Variants in SH3PXD2B observed in about 807,000 individuals in gnomAD.
SH3PXD2B encodes SH3 and PX domains 2B, also known as SH3 and PX domain-containing protein 2B.
In SH3PXD2B, 37 loss-of-function variants were observed where a neutral mutation model predicts 73.1. That is an observed-to-expected ratio of 0.51 (90% CI 0.39 to 0.67). The LOEUF (loss-of-function observed/expected upper bound fraction) is 0.67. SH3PXD2B is among the 30% of genes least tolerant of loss of function. The probability of loss-of-function intolerance (pLI) is 0.00; values close to 1 mark genes in which losing one functional copy is unlikely to be tolerated. For synonymous variants in SH3PXD2B, 457 were observed against 480.5 expected (o/e 0.95, Z 0.64); for missense variants, 1,053 against 1,197.8 (o/e 0.88, Z 1.78).
At chr5:172,434,772 A>G (rs1302957760) in intron 1 of SH3PXD2B, among the ~76,000 whole-genome samples, 1 of 91,932 alleles carries the variant, frequency 1.1e-5, no homozygotes, top group East Asian at 2.5e-4. Context: ...CTGGGATGCA[A>G]TGGCCAATGG....
intron 1 of SH3PXD2B, among the ~76,000 whole-genome samples, chr5:172,433,637 G>A (rs993931787): frequency 2.0e-5 from 3 of 152,170 alleles, no homozygotes; most frequent in African/African-American, 7.2e-5. Flanking sequence ...GATGCCCAGA[G>A]TGGGGGTGGG....
chr5:172,369,977 A>C (rs1447868058), intron 6 of SH3PXD2B, among the ~76,000 whole-genome samples: 3 of 152,184 alleles, frequency 2.0e-5, no homozygotes, highest in Non-Finnish European at 4.4e-5. Context: ...AGTATTTATT[A>C]AGCACCTAGT....
At chr5:172,388,472 T>C (rs1403110983) in intron 4 of SH3PXD2B, among the ~76,000 whole-genome samples, 1 of 152,250 alleles carries the variant, frequency 6.6e-6, no homozygotes, top group Non-Finnish European at 1.5e-5. Context: ...CTATTTATTA[T>C]GTTTCATTAA....
rs768914165 is a variant in SH3PXD2B at position 172,353,207 on chromosome 5, G to A, written c.785+681C>T. 6.6e-6 allele frequency among the ~76,000 whole-genome samples: 1 copy of A among 152,190 alleles called. No homozygotes were observed. Among genetic ancestry groups the A allele is most frequent in the Non-Finnish European group, 1.5e-5 (1 of 68,026 alleles). ...ATGCTCAGCCTCCTGGAAATGGCCC[G>A]AATGTCCCGCCACACATCACAGCGC... On this transcript the variant is annotated intron_variant, in intron 9 of 12. Coordinates refer to ENST00000311601, the MANE Select transcript of SH3PXD2B (RefSeq NM_001017995.3). This position sits in a 1 kb window ranked among gnomAD's most constrained non-coding sequence, Gnocchi z 4.3.
At chr5:172,329,083 A>ATATATATATTTT (rs58472514), downstream of SH3PXD2B, among the ~76,000 whole-genome samples, 2 of 61,814 alleles carry the variant, frequency 3.2e-5, no homozygotes, top group African/African-American at 7.8e-5. Flanking sequence ...ATATATATAT[A>ATATATATATTTT]TTTTTTTTTT....
chr5:172,426,178 T>C (rs1302437856), intron 1 of SH3PXD2B, among the ~76,000 whole-genome samples: 1 of 152,252 alleles, frequency 6.6e-6, no homozygotes, highest in African/African-American at 2.4e-5. Context: ...GCAAGCCTAA[T>C]TGGTTTATTG....
intron 3 of SH3PXD2B, among the ~76,000 whole-genome samples, chr5:172,404,538 C>T (rs1758509202): frequency 1.3e-5 from 2 of 152,142 alleles, no homozygotes; most frequent in Non-Finnish European, 2.9e-5. Flanking sequence ...ATAATCCACT[C>T]ACCTTGGCTT....
intron 4 of SH3PXD2B, among the ~76,000 whole-genome samples, chr5:172,390,301 T>C (rs903680994): frequency 6.6e-6 from 1 of 152,286 alleles, no homozygotes; most frequent in East Asian, 1.9e-4. Context: ...TCATACAATA[T>C]GTAGTTGTAC....
At chr5:172,326,856 G>T (rs993250524) in intron 12 of SH3PXD2B, among the ~76,000 whole-genome samples, 4 of 149,826 alleles carry the variant, frequency 2.7e-5, no homozygotes, top group African/African-American at 9.9e-5. Flanking sequence ...AATGTCTCAA[G>T]ATTTTTTTTT....
At chr5:172,384,542 C>A (rs1352522700) in intron 4 of SH3PXD2B, among the ~76,000 whole-genome samples, 1 of 152,086 alleles carries the variant, frequency 6.6e-6, no homozygotes, top group East Asian at 1.9e-4. Flanking sequence ...CCAGCAACCA[C>A]CATTCTACTT....
intron 6 of SH3PXD2B, among the ~76,000 whole-genome samples, chr5:172,368,916 C>T (rs539542901): frequency 2.6e-4 from 37 of 140,928 alleles, no homozygotes; most frequent in African/African-American, 6.9e-4. Flanking sequence ...ATTTTTGAGA[C>T]GGAGTTTTGC....
chr5:172,352,924 G>A (rs1029631648), intron 9 of SH3PXD2B, among the ~76,000 whole-genome samples: 1 of 152,016 alleles, frequency 6.6e-6, no homozygotes, highest in East Asian at 1.9e-4. Context: ...TTCAAATTTA[G>A]GTTCTGAGAT....
intron 4 of SH3PXD2B, among the ~76,000 whole-genome samples, chr5:172,388,066 T>G (rs183527170): frequency 9.0e-4 from 137 of 152,346 alleles, no homozygotes; most frequent in African/African-American, 2.8e-3. Flanking sequence ...AGTATCACAG[T>G]GCCCATCCAA....
intron 3 of SH3PXD2B, among the ~76,000 whole-genome samples, chr5:172,404,376 C>T (rs1310235299): frequency 1.3e-5 from 2 of 152,020 alleles, no homozygotes; most frequent in East Asian, 1.9e-4. Flanking sequence ...AATCTCAGCT[C>T]ACTGCAACCT....
intron 6 of SH3PXD2B, among the ~76,000 whole-genome samples, chr5:172,372,876 T>A (rs369036293): frequency 6.6e-6 from 1 of 152,162 alleles, no homozygotes; most frequent in African/African-American, 2.4e-5. Context: ...GAAGTCCACA[T>A]TGGCTCCAGG....
In SH3PXD2B at chr5:172,341,247, T is replaced by C. The variant is rs577021168; in HGVS notation, c.1189-1331A>G. Among the ~76,000 whole-genome samples, 410 of 151,764 alleles carry C rather than the reference T, an allele frequency of 2.7e-3. 2 individuals carry two copies. Among genetic ancestry groups the C allele is most frequent in the African/African-American group, 9.3e-3 (384 of 41,326 alleles). On this transcript the variant is annotated intron_variant, in intron 12 of 12. Transcript: ENST00000311601. ...CTTGGAAATGGGGCCTTTAAAGAGG[T>C]GGTTAAGGTTAAAATGGATCATTAA... is the stretch of plus-strand genomic sequence containing the variant.
At chr5:172,348,103 C>T (rs761998015) in intron 10 of SH3PXD2B, among the ~76,000 whole-genome samples, 1 of 152,174 alleles carries the variant, frequency 6.6e-6, no homozygotes, top group East Asian at 1.9e-4. Context: ...ATTTACCTGT[C>T]TTCTGTTAGA....
chr5:172,414,411 G>A (rs775073338), intron 2 of SH3PXD2B, among the ~76,000 whole-genome samples: 3 of 148,964 alleles, frequency 2.0e-5, no homozygotes, highest in Non-Finnish European at 1.5e-5. Flanking sequence ...GGAGGTGGCC[G>A]TGAGCCGAGA....
intron 3 of SH3PXD2B, among the ~76,000 whole-genome samples, chr5:172,401,650 C>T (rs536559454): frequency 1.2e-4 from 18 of 152,212 alleles, no homozygotes; most frequent in Non-Finnish European, 1.9e-4. Context: ...CAGCTGAAGC[C>T]GTGGCAGAAG....
Sources: gnomAD v4.1 joint callset for allele counts (sites outside exome capture counted in the v4.1 genomes callset) on GRCh38, gnomAD v4.1.1 for gene constraint, Gnocchi (gnomAD v3.1) non-coding constraint, MANE v1.5 for transcripts, NCBI Gene and HGNC (gene_info 2026-07-23, HGNC 2026-07-21) for gene names.